The following CREB5 variants were observed in gnomAD, a reference collection of about 807,000 sequenced individuals.
CREB5 encodes the protein cyclic AMP-responsive element-binding protein 5.
A neutral mutation model predicts 57.1 loss-of-function variants in CREB5; 19 were observed. That is an observed-to-expected ratio of 0.33 (90% CI 0.23 to 0.49). The LOEUF (loss-of-function observed/expected upper bound fraction) is 0.49, where lower values mean the gene tolerates loss of function less well. Among genes scored for constraint, CREB5 ranks in the 20% least tolerant of loss-of-function variants. The pLI, the probability that CREB5 is intolerant of heterozygous loss-of-function variation, is 0.99. For synonymous variants in CREB5, 238 were observed against 238.3 expected (o/e 1.00, Z 0.01); for missense variants, 579 against 671.6 (o/e 0.86, Z 1.52).
intron 1 of CREB5, among the ~76,000 whole-genome samples, chr7:28,353,477 C>T (rs1188859881): frequency 1.3e-5 from 2 of 152,106 alleles, no homozygotes; most frequent in Admixed American, 6.5e-5. Context: ...ACAAGGAAGA[C>T]TAGCCGGGTG....
At chr7:28,639,594 T>C (rs1444604745) in intron 5 of CREB5, among the ~76,000 whole-genome samples, 2 of 152,186 alleles carry the variant, frequency 1.3e-5, no homozygotes, top group Non-Finnish European at 2.9e-5. Flanking sequence ...CTTTGGCTTC[T>C]CACTGGAACT....
At chr7:28,770,667 G>T (rs1449284827) in intron 7 of CREB5, among the ~76,000 whole-genome samples, 1 of 152,188 alleles carries the variant, frequency 6.6e-6, no homozygotes, top group Non-Finnish European at 1.5e-5. Flanking sequence ...GATGGTTTTT[G>T]AAGTGGGTGG....
chr7:28,500,287 TC>T (rs1482075986), intron 3 of CREB5, among the ~76,000 whole-genome samples: 2 of 152,216 alleles, frequency 1.3e-5, no homozygotes, highest in Non-Finnish European at 2.9e-5. Context: ...AGGAAAGGCC[TC>T]TGGGTACTTT....
chr7:28,762,379 G>C (rs1004927040), intron 7 of CREB5, among the ~76,000 whole-genome samples: 3 of 152,142 alleles, frequency 2.0e-5, no homozygotes, highest in Non-Finnish European at 4.4e-5. Flanking sequence ...ATTGTGCTTG[G>C]TGGTTTGGAT....
chr7:28,788,595 C>G (rs146724310), intron 7 of CREB5, among the ~76,000 whole-genome samples: 2 of 152,110 alleles, frequency 1.3e-5, no homozygotes, highest in African/African-American at 4.8e-5. Context: ...GTATTCTTAC[C>G]GTGCACAAAG....
chr7:28,411,311 A>G (rs1787789041), upstream of CREB5, among the ~76,000 whole-genome samples: 1 of 152,208 alleles, frequency 6.6e-6, no homozygotes. Flanking sequence ...GTTTAGCTGA[A>G]AGGATCAAGA....
At chr7:28,536,707 A>G (rs984747818) in intron 4 of CREB5, among the ~76,000 whole-genome samples, 2 of 152,236 alleles carry the variant, frequency 1.3e-5, no homozygotes, top group Non-Finnish European at 2.9e-5. Flanking sequence ...ATGGGTGTGG[A>G]ACATATACTA....
chr7:28,758,525 G>T (rs1314850607), intron 7 of CREB5, among the ~76,000 whole-genome samples: 1 of 152,174 alleles, frequency 6.6e-6, no homozygotes, highest in African/African-American at 2.4e-5. Context: ...TCAATTCAGT[G>T]AGACAGATCA....
At chr7:28,683,647 G>C (rs920932573) in intron 5 of CREB5, among the ~76,000 whole-genome samples, 1 of 152,108 alleles carries the variant, frequency 6.6e-6, no homozygotes, top group African/African-American at 2.4e-5. Context: ...TACTCCTCCT[G>C]GCAGAAGCAA....
intron 7 of CREB5, among the ~76,000 whole-genome samples, chr7:28,780,412 A>T (rs927696451): frequency 3.9e-5 from 6 of 152,232 alleles, no homozygotes; most frequent in Non-Finnish European, 8.8e-5. Context: ...AACGTAATTA[A>T]TCCTATATTA....
intron 5 of CREB5, among the ~76,000 whole-genome samples, chr7:28,628,206 C>T (rs1031824668): frequency 5.9e-5 from 9 of 151,850 alleles, no homozygotes; most frequent in African/African-American, 1.2e-4. Context: ...TTTAGGGTCT[C>T]GAGACCCTAA....
intron 1 of CREB5, among the ~76,000 whole-genome samples, chr7:28,313,901 G>T (rs1314864820): frequency 1.3e-5 from 2 of 152,178 alleles, no homozygotes; most frequent in Admixed American, 1.3e-4. Context: ...CATACAATGA[G>T]TTTTATTGGG....
At chr7:28,465,366 A>AC (rs1183145107) in intron 1 of CREB5, among the ~76,000 whole-genome samples, 1 of 152,196 alleles carries the variant, frequency 6.6e-6, no homozygotes, top group Non-Finnish European at 1.5e-5. Flanking sequence ...GGGCAAGGGG[A>AC]CAGCCTGAGA....
At chr7:28,584,150 T>C (rs889488503) in intron 5 of CREB5, among the ~76,000 whole-genome samples, 1 of 152,146 alleles carries the variant, frequency 6.6e-6, no homozygotes, top group African/African-American at 2.4e-5. Context: ...GAGGCCTCCT[T>C]CTCAGTGCCC....
At chr7:28,623,158 C>T (rs576170576) in intron 5 of CREB5, among the ~76,000 whole-genome samples, 1 of 152,306 alleles carries the variant, frequency 6.6e-6, no homozygotes, top group African/African-American at 2.4e-5. Flanking sequence ...GCTGGAATTA[C>T]AGGCATGAGC....
rs1809755008 is a variant in CREB5, at chr7:28,821,284, TATG to T, written c.*2007_*2009del. 1 of 151,984 alleles carries T rather than the reference TATG, an allele frequency of 6.6e-6. No homozygotes were observed. The highest frequency in any genetic ancestry group is 2.1e-4 in the South Asian group (1 of 4,834). 9.4% of individuals were successfully genotyped at this position (151,984 alleles called of 1,614,324 possible). ...ATCTATTTTGGAGAAAAAAAGAAAA[TATG>T]AGGGTCTCGAAGCATGATTTTTATA... On this transcript the variant is annotated 3_prime_UTR_variant, in exon 11 of 11. Coordinates refer to ENST00000357727, the MANE Select transcript of CREB5 (RefSeq NM_182898.4).
chr7:28,633,005 C>G (rs2128694556), intron 5 of CREB5, among the ~76,000 whole-genome samples: 1 of 152,280 alleles, frequency 6.6e-6, no homozygotes, highest in South Asian at 2.1e-4. Flanking sequence ...TGAGTGATAA[C>G]AAGAGCTAAG....
At chr7:28,613,092 T>C (rs1797458344) in intron 5 of CREB5, among the ~76,000 whole-genome samples, 1 of 152,198 alleles carries the variant, frequency 6.6e-6, no homozygotes, top group South Asian at 2.1e-4. Context: ...TGTGCCTGCT[T>C]ACTGGGACTA....
chr7:28,708,745 A>G (rs2128742120), intron 5 of CREB5, among the ~76,000 whole-genome samples: 2 of 152,344 alleles, frequency 1.3e-5, no homozygotes, highest in Middle Eastern at 3.4e-3. Context: ...GTTAAAATAC[A>G]CTAACTGACA....
Sources: allele counts gnomAD v4.1 joint callset (sites outside exome capture counted in the v4.1 genomes callset), GRCh38; gene constraint gnomAD v4.1.1; transcripts MANE v1.5; gene names NCBI Gene and HGNC (gene_info 2026-07-23, HGNC 2026-07-21).